The following GTF2A2 variants were observed in gnomAD, a reference collection of about 807,000 sequenced individuals.
GTF2A2 encodes general transcription factor IIA subunit 2, also known as transcription initiation factor IIA subunit 2.
A neutral mutation model predicts 14.3 loss-of-function variants in GTF2A2; 9 were observed. The observed-to-expected ratio is 0.63, with a 90% CI of 0.38 to 1.10. The LOEUF is 1.10. Ranked by LOEUF, GTF2A2 falls within the 50% of genes least tolerant of loss-of-function variation. The pLI is 0.01. For missense variants in GTF2A2, 90 were observed against 124.6 expected (o/e 0.72, Z 1.32); for synonymous variants, 56 against 46.0 (o/e 1.22, Z -0.88).
intron 3 of GTF2A2, among the ~76,000 whole-genome samples, chr15:59,642,818 G>A (rs972123089): frequency 6.6e-6 from 1 of 152,144 alleles, no homozygotes; most frequent in African/African-American, 2.4e-5. Flanking sequence ...CCACGCTGGA[G>A]TGCAGTGGTG....
chr15:59,638,973 G>GAGGCTACAGAGTTACAAGTTTCTTTC lies in GTF2A2; in HGVS notation c.*133_*158dup. ...ATGCTGTATAATAAAGGTGATGTAAGAGGCTACAGAGTTACAAGTTTCTTT... is the reference window on the plus strand; with the variant it reads ...ATGCTGTATAATAAAGGTGATGTAAGAGGCTACAGAGTTACAAGTTTCTTTCAGGCTACAGAGTTACAAGTTTCTTT... On this transcript the variant is annotated 3_prime_UTR_variant, in exon 5 of 5. Transcript: ENST00000396060. The GAGGCTACAGAGTTACAAGTTTCTTTC allele has an allele frequency of 9.9e-6, 6 of 608,800 alleles. No individual in the cohort carries two copies. In the South Asian group the frequency reaches 1.1e-4, roughly 11 times the overall value. The allele number at this position is 608,800 out of a possible 1,614,324, so 37.7% of individuals were successfully genotyped here.
intron 2 of GTF2A2, 54 bp from the exon 3 acceptor site, chr15:59,650,827 G>A (rs1891768620): frequency 1.1e-6 from 1 of 947,594 alleles, no homozygotes; most frequent in Non-Finnish European, 1.7e-6. Flanking sequence ...TAAAGACAAA[G>A]TAAATAAAAA....
chr15:59,652,525 G>T (rs187761824), intron 1 of GTF2A2, among the ~76,000 whole-genome samples, 199 bp from the exon 2 acceptor site: 1 of 152,038 alleles, frequency 6.6e-6, no homozygotes, highest in African/African-American at 2.4e-5. Flanking sequence ...ATTTTGACAT[G>T]GGCATTTATA....
At chr15:59,648,866 G>A (rs544046690) in intron 3 of GTF2A2, among the ~76,000 whole-genome samples, 16 of 151,768 alleles carry the variant, frequency 1.1e-4, no homozygotes, top group African/African-American at 1.9e-4. Context: ...CCCGGGAGGC[G>A]GAGCTTGCAG....
intron 3 of GTF2A2, among the ~76,000 whole-genome samples, chr15:59,643,070 T>C (rs1891483909): frequency 2.3e-5 from 3 of 130,184 alleles, no homozygotes; most frequent in Non-Finnish European, 4.8e-5. Flanking sequence ...CTGGCCTATA[T>C]AATTTTTTTT....
In GTF2A2 at chr15:59,638,986, T is replaced by TACAAGTTTCTTTCTACTGGAATTCTCTGG. The variant is rs1891282981; in HGVS notation, c.*117_*145dup. On this transcript the variant is annotated 3_prime_UTR_variant, in exon 5 of 5. Transcript: ENST00000396060. Reference sequence around the variant, plus strand: ...AAGGTGATGTAAGAGGCTACAGAGTTACAAGTTTCTTTCTACTGGAATTCT... The same window carrying TACAAGTTTCTTTCTACTGGAATTCTCTGG: ...AAGGTGATGTAAGAGGCTACAGAGTTACAAGTTTCTTTCTACTGGAATTCTCTGGACAAGTTTCTTTCTACTGGAATTCT... 1 of 632,276 alleles carries TACAAGTTTCTTTCTACTGGAATTCTCTGG rather than the reference T, an allele frequency of 1.6e-6. No individual in the cohort carries two copies. The highest frequency in any genetic ancestry group is 1.7e-5 in the South Asian group (1 of 57,866). 39.2% of individuals were successfully genotyped at this position (632,276 alleles called of 1,614,324 possible).
chr15:59,641,241 G>A (rs1891414359), intron 4 of GTF2A2, among the ~76,000 whole-genome samples: 1 of 143,196 alleles, frequency 7.0e-6, no homozygotes, highest in Non-Finnish European at 1.5e-5. Context: ...ATTTACTAAT[G>A]TCTACATATA....
At chr15:59,647,936 G>T (rs1232266092) in intron 3 of GTF2A2, among the ~76,000 whole-genome samples, 5 of 152,174 alleles carry the variant, frequency 3.3e-5, no homozygotes, top group African/African-American at 1.2e-4. Flanking sequence ...CAGGGAAAAG[G>T]AAACTTTCAG....
chr15:59,653,294 G>C (rs1487452455), intron 1 of GTF2A2, among the ~76,000 whole-genome samples: 1 of 152,160 alleles, frequency 6.6e-6, no homozygotes, highest in African/African-American at 2.4e-5. Context: ...TCAGGTGTAA[G>C]ATCTTGACCT....
rs902383942 is a variant in GTF2A2, at chr15:59,657,502, G to A, written c.-146C>T. On this transcript the variant is annotated 5_prime_UTR_variant, in exon 1 of 5. Transcript: ENST00000396060. Reference sequence around the variant, plus strand: ...TCCGACCACCTCTCCAGCCGCCGCAGAAACCGCAGAACTGAGCTGACGACC... The same window carrying A: ...TCCGACCACCTCTCCAGCCGCCGCAAAAACCGCAGAACTGAGCTGACGACC... The A allele has an allele frequency of 1.3e-5, 2 of 152,378 alleles. No homozygotes were observed. The highest frequency in any genetic ancestry group is 4.8e-5 in the African/African-American group (2 of 41,462). The allele number at this position is 152,378 out of a possible 1,614,324, so 9.4% of individuals were successfully genotyped here.
intron 3 of GTF2A2, among the ~76,000 whole-genome samples, chr15:59,645,076 G>A (rs1372481221): frequency 6.6e-6 from 1 of 152,150 alleles, no homozygotes; most frequent in Non-Finnish European, 1.5e-5. Flanking sequence ...AAGTAGGACC[G>A]GTAGGAATGG....
Position 59,657,415 on chromosome 15 carries a change from A to G in GTF2A2, c.-59T>C, listed in dbSNP as rs1186287224. ...CTCCCTAACCCACTACCTGTGGGGAAGGCGCTTCCCTCCGCGGAGCGGACA... is the reference window on the plus strand; with the variant it reads ...CTCCCTAACCCACTACCTGTGGGGAGGGCGCTTCCCTCCGCGGAGCGGACA... On this transcript the variant is annotated 5_prime_UTR_variant, in exon 1 of 5. Transcript: ENST00000396060. 2 of 152,380 alleles carry G rather than the reference A, an allele frequency of 1.3e-5. No homozygotes were observed. The highest frequency in any genetic ancestry group is 2.9e-5 in the Non-Finnish European group (2 of 68,132). The allele number at this position is 152,380 out of a possible 1,614,324, so 9.4% of individuals were successfully genotyped here. A position where few individuals can be genotyped will look rare whatever the true frequency, so the allele number is the denominator to read the frequency against.
intron 3 of GTF2A2, among the ~76,000 whole-genome samples, chr15:59,650,361 T>G (rs1891754427): frequency 6.6e-6 from 1 of 152,162 alleles, no homozygotes; most frequent in African/African-American, 2.4e-5. Flanking sequence ...TTACCTTTAA[T>G]CCTGCAGATA....
At position 59,638,139 on chromosome 15, in the gene GTF2A2, A is replaced by G. The variant is rs758124182; in HGVS notation, c.*993T>C. On this transcript the variant is annotated 3_prime_UTR_variant, in exon 5 of 5. Coordinates refer to ENST00000396060, the MANE Select transcript of GTF2A2 (RefSeq NM_004492.3). ...GGCTGGTCTCCAACTCCTGGACTCAAGTAATCCTCCAGTCTCAGCCTCCTA... is the reference window on the plus strand; with the variant it reads ...GGCTGGTCTCCAACTCCTGGACTCAGGTAATCCTCCAGTCTCAGCCTCCTA... The G allele has an allele frequency of 1.1e-4, 16 of 152,288 alleles. No individual in the cohort carries two copies. The highest frequency in any genetic ancestry group is 1.6e-4 in the Non-Finnish European group (11 of 68,038). 9.4% of individuals were successfully genotyped at this position (152,288 alleles called of 1,614,324 possible). A position where few individuals can be genotyped will look rare whatever the true frequency, so the allele number is the denominator to read the frequency against.
intron 4 of GTF2A2, chr15:59,639,941 G>C (rs1349771493): frequency 2.0e-5 from 3 of 152,194 alleles, no homozygotes; most frequent in African/African-American, 4.8e-5. Context: ...AGTAGAGATG[G>C]AGTTTCACCA....
chr15:59,639,293 G>A (rs1280952712), intron 4 of GTF2A2, 136 bp from the exon 5 acceptor site: 7 of 666,606 alleles, frequency 1.1e-5, no homozygotes, highest in Middle Eastern at 2.9e-4. Flanking sequence ...GGAAGAACAG[G>A]AGGAAAGGTG....
At chr15:59,639,245 G>A in intron 4 of GTF2A2, 88 bp from the exon 5 acceptor site, 2 of 812,962 alleles carry the variant, frequency 2.5e-6, no homozygotes, top group Non-Finnish European at 4.4e-6. Flanking sequence ...TCAAAAATGA[G>A]AACACAGGAC....
At chr15:59,641,156 C>T (rs548875547) in intron 4 of GTF2A2, among the ~76,000 whole-genome samples, 10 of 148,940 alleles carry the variant, frequency 6.7e-5, no homozygotes, top group South Asian at 2.1e-4. Flanking sequence ...GAGTTTAAGA[C>T]CAGCCTGGGC....
At position 59,648,379 on chromosome 15, in the gene GTF2A2, G is replaced by A. The variant is rs1891677707; in HGVS notation, c.177+2290C>T. Among the ~76,000 whole-genome samples, 7 of 127,728 alleles carry A rather than the reference G, an allele frequency of 5.5e-5. No individual in the cohort carries two copies. The South Asian group carries it at 1.7e-3, about 31-fold the overall frequency. 83.8% of individuals were successfully genotyped at this position (127,728 alleles called of 152,430 possible). The stretch of plus-strand genomic sequence containing the variant: ...GCCGAGATTGCGCCACTGCATTCCA[G>A]CCTGGGTAACAGACTTCGTCTCAAA... On this transcript the variant is annotated intron_variant, in intron 3 of 4. Transcript: ENST00000396060.
Sources: allele counts gnomAD v4.1 joint callset (sites outside exome capture counted in the v4.1 genomes callset), GRCh38; gene constraint gnomAD v4.1.1; transcripts MANE v1.5; gene names NCBI Gene and HGNC (gene_info 2026-07-23, HGNC 2026-07-21).